Variants in NEDD9 observed in about 807,000 individuals in gnomAD.
NEDD9 encodes the protein neural precursor cell expressed, developmentally down-regulated 9, also known as enhancer of filamentation 1.
A neutral mutation model predicts 76.6 loss-of-function variants in NEDD9; 26 were observed. That is an observed-to-expected ratio of 0.34 (90% CI 0.25 to 0.47). The LOEUF is 0.47. Ranked by LOEUF, NEDD9 falls within the 20% of genes least tolerant of loss-of-function variation. NEDD9 has a pLI of 1.00. For synonymous variants in NEDD9, 392 were observed against 414.2 expected (o/e 0.95, Z 0.65); for missense variants, 937 against 1,058.5 (o/e 0.89, Z 1.59).
At chr6:11,353,444 A>C (rs974298949) in intron 1 of NEDD9, among the ~76,000 whole-genome samples, 3 of 152,214 alleles carry the variant, frequency 2.0e-5, no homozygotes, top group Non-Finnish European at 4.4e-5. Flanking sequence ...AGATGCTGCC[A>C]CAAGCCCAGG....
intron 1 of NEDD9, among the ~76,000 whole-genome samples, chr6:11,228,571 T>TTC (rs3067249): frequency 4.0e-5 from 6 of 150,670 alleles, no homozygotes; most frequent in African/African-American, 9.8e-5. Flanking sequence ...GGTGTTTTTT[T>TTC]CAGAAGACTG....
At chr6:11,335,300 A>T (rs1762133519) in intron 1 of NEDD9, among the ~76,000 whole-genome samples, 1 of 152,130 alleles carries the variant, frequency 6.6e-6, no homozygotes, top group Admixed American at 6.5e-5. Context: ...CCAAAGCCAA[A>T]CTTGCACCAA....
At chr6:11,363,886 C>A (rs1762719196) in intron 1 of NEDD9, among the ~76,000 whole-genome samples, 1 of 152,000 alleles carries the variant, frequency 6.6e-6, no homozygotes, top group Admixed American at 6.5e-5. Flanking sequence ...TTGTAAGCAA[C>A]AGATATATAT....
intron 1 of NEDD9, among the ~76,000 whole-genome samples, chr6:11,360,283 CAGA>C (rs971395693): frequency 1.3e-5 from 2 of 152,182 alleles, no homozygotes; most frequent in Non-Finnish European, 2.9e-5. Flanking sequence ...CATTGTAGAG[CAGA>C]AGAAGAACTC....
chr6:11,377,490 C>G (rs1014274500), intron 1 of NEDD9, among the ~76,000 whole-genome samples: 4 of 152,232 alleles, frequency 2.6e-5, no homozygotes, highest in African/African-American at 9.6e-5. Context: ...TAATGACTAC[C>G]CTGCTAGGTT....
chr6:11,248,287 C>A (rs1759848995), intron 3 of NEDD9, among the ~76,000 whole-genome samples: 1 of 151,986 alleles, frequency 6.6e-6, no homozygotes, highest in Non-Finnish European at 1.5e-5. Context: ...CCAGATACAG[C>A]TAAGTGCGCC....
chr6:11,293,778 A>G (rs1760828498), intron 3 of NEDD9, among the ~76,000 whole-genome samples: 1 of 152,180 alleles, frequency 6.6e-6, no homozygotes, highest in South Asian at 2.1e-4. Flanking sequence ...TCTTTGACCA[A>G]CATCTTTCCA....
chr6:11,203,344 G>A lies in NEDD9; in HGVS notation c.460-9652C>T, dbSNP rs529911171. Among the ~76,000 whole-genome samples, 48 of 152,312 alleles carry A rather than the reference G, an allele frequency of 3.2e-4. No homozygotes were observed. The South Asian group carries it at 3.5e-3, about 11-fold the overall frequency. ...AAATAAATTCAACAGGACTCTGAGCGCTACATCTAGATTGGGAAATGGATT... is the reference window on the plus strand; with the variant it reads ...AAATAAATTCAACAGGACTCTGAGCACTACATCTAGATTGGGAAATGGATT... On this transcript the variant is annotated intron_variant, in intron 2 of 6. Coordinates refer to ENST00000379446, the MANE Select transcript of NEDD9 (RefSeq NM_006403.4).
chr6:11,216,840 T>C (rs1009666), intron 1 of NEDD9, among the ~76,000 whole-genome samples: 18,841 of 152,236 alleles, frequency 0.12, 1,299 homozygotes, highest in Middle Eastern at 0.23. Context: ...CTATTATATA[T>C]GTTTTGTACC....
At position 11,245,287 on chromosome 6, in the gene NEDD9, G is replaced by A. The variant is rs551335771; in HGVS notation, c.13-31560C>T. 5.9e-5 allele frequency among the ~76,000 whole-genome samples: 9 copies of A among 152,300 alleles called. No individual in the cohort carries two copies. The South Asian group carries it at 1.9e-3, about 32-fold the overall frequency. On this transcript the variant is annotated intron_variant, in intron 3 of 3. Coordinates refer to the NEDD9 transcript ENST00000397378. ...GTTTGAAGCATGGTGACCCAAAGGC[G>A]AAGCAGATCCACCCTTTTATTTCAG...
At chr6:11,274,290 T>C (rs1468439465) in intron 3 of NEDD9, among the ~76,000 whole-genome samples, 1 of 152,150 alleles carries the variant, frequency 6.6e-6, no homozygotes, top group Non-Finnish European at 1.5e-5. Context: ...TGTCTTATGT[T>C]CTGAAGGGTG....
Position 11,184,857 on chromosome 6 carries a change from G to A in NEDD9, c.*305C>T. ...TTCATGGTTTTTTTTTTAATGAAAT[G>A]CATCAGACAAACATCTACAAACAAA... On this transcript the variant is annotated 3_prime_UTR_variant, in exon 7 of 7. Coordinates refer to ENST00000379446, the MANE Select transcript of NEDD9 (RefSeq NM_006403.4). 1 of 224,788 alleles carries A rather than the reference G, an allele frequency of 4.4e-6. No homozygotes were observed. Among genetic ancestry groups the A allele is most frequent in the South Asian group, 1.2e-4 (1 of 8,486 alleles). 13.9% of individuals were successfully genotyped at this position (224,788 alleles called of 1,614,324 possible).
chr6:11,263,617 G>A (rs201573092), intron 3 of NEDD9, among the ~76,000 whole-genome samples: 5 of 152,276 alleles, frequency 3.3e-5, no homozygotes, highest in East Asian at 3.9e-4. Context: ...TGTTATTTTC[G>A]CCTTCCCAAT....
chr6:11,315,173 T>G (rs571591905), intron 2 of NEDD9, among the ~76,000 whole-genome samples: 1 of 152,240 alleles, frequency 6.6e-6, no homozygotes, highest in Non-Finnish European at 1.5e-5. Flanking sequence ...CTTGTCTTCC[T>G]TAGCAACTTT....
At chr6:11,206,262 T>C (rs2113745805) in intron 2 of NEDD9, among the ~76,000 whole-genome samples, 1 of 151,910 alleles carries the variant, frequency 6.6e-6, no homozygotes, top group East Asian at 1.9e-4. Context: ...CTACTAAAAA[T>C]ACAAAAATTA....
At chr6:11,350,818 A>C (rs1762452828) in intron 1 of NEDD9, among the ~76,000 whole-genome samples, 1 of 152,088 alleles carries the variant, frequency 6.6e-6, no homozygotes, top group Non-Finnish European at 1.5e-5. Flanking sequence ...TGATACACAT[A>C]GCGTAGGTAA....
intron 1 of NEDD9, among the ~76,000 whole-genome samples, chr6:11,372,955 C>T (rs1762904840): frequency 6.6e-6 from 1 of 152,062 alleles, no homozygotes; most frequent in South Asian, 2.1e-4. Context: ...AAACCAATGT[C>T]TTTATTTTTA....
rs376193227 is a variant in NEDD9 at position 11,201,089 on chromosome 6, T to C, written c.460-7397A>G. On this transcript the variant is annotated intron_variant, in intron 2 of 6. Transcript: ENST00000379446. ...TCTGTCAAGACAAGTTCTGCTCACA[T>C]TGTGTCACTTGTTCAAGGTCTCAGC... 12 of 1,611,858 alleles carry C rather than the reference T, an allele frequency of 7.4e-6. No homozygotes were observed. The African/African-American group carries it at 1.3e-4, about 18-fold the overall frequency.
chr6:11,336,072 T>C (rs1406679251), intron 1 of NEDD9, among the ~76,000 whole-genome samples: 1 of 152,196 alleles, frequency 6.6e-6, no homozygotes, highest in Non-Finnish European at 1.5e-5. Context: ...TTTTCCCTAG[T>C]CACCTCCTCC....
Sources: gnomAD v4.1 joint callset for allele counts (sites outside exome capture counted in the v4.1 genomes callset) on GRCh38, gnomAD v4.1.1 for gene constraint, MANE v1.5 for transcripts, NCBI Gene and HGNC (gene_info 2026-07-23, HGNC 2026-07-21) for gene names.